CCSER1: variants seen among roughly 807,000 people sequenced by gnomAD.
The protein encoded by CCSER1 is coiled-coil serine rich protein 1.
In CCSER1, 41 loss-of-function variants were observed where a neutral mutation model predicts 82.0. The ratio of observed to expected loss-of-function variants is 0.50; its 90% CI spans 0.39 to 0.65. The LOEUF is 0.65. CCSER1 is among the 30% of genes least tolerant of loss of function. CCSER1 has a pLI of 0.00. For synonymous variants in CCSER1, 414 were observed against 383.9 expected (o/e 1.08, Z -0.92); for missense variants, 1,119 against 1,064.2 (o/e 1.05, Z -0.72).
intron 5 of CCSER1, among the ~76,000 whole-genome samples, chr4:90,477,645 T>C (rs907711722): frequency 2.0e-5 from 3 of 152,168 alleles, no homozygotes; most frequent in Non-Finnish European, 4.4e-5. Context: ...ATCTTTTTTT[T>C]CCTCTGGTAT....
At chr4:90,159,511 G>A (rs1466201107) in intron 1 of CCSER1, among the ~76,000 whole-genome samples, 4 of 152,284 alleles carry the variant, frequency 2.6e-5, no homozygotes, top group South Asian at 4.1e-4. Context: ...TTACTAGAGA[G>A]AGAACACACA....
At chr4:90,663,230 G>C (rs1229427917) in intron 6 of CCSER1, among the ~76,000 whole-genome samples, 1 of 152,112 alleles carries the variant, frequency 6.6e-6, no homozygotes, top group Non-Finnish European at 1.5e-5. Flanking sequence ...TCTATACCTT[G>C]TAAACATTTA....
At chr4:90,874,930 C>T (rs1767003475) in intron 8 of CCSER1, among the ~76,000 whole-genome samples, 1 of 152,108 alleles carries the variant, frequency 6.6e-6, no homozygotes, top group African/African-American at 2.4e-5. Flanking sequence ...CCTATAGTCC[C>T]AGCTACTCAG....
intron 10 of CCSER1, among the ~76,000 whole-genome samples, chr4:91,306,097 A>G (rs138996142): frequency 1.2e-4 from 14 of 118,218 alleles, no homozygotes; most frequent in East Asian, 2.7e-4. Flanking sequence ...GTGTGTGTGT[A>G]TACGAAAAAA....
intron 8 of CCSER1, among the ~76,000 whole-genome samples, chr4:90,897,395 T>A (rs1260373672): frequency 2.0e-5 from 3 of 152,058 alleles, no homozygotes; most frequent in Non-Finnish European, 4.4e-5. Context: ...TGGTGTTTGA[T>A]TTTCTGTTTC....
intron 8 of CCSER1, among the ~76,000 whole-genome samples, chr4:90,839,681 C>CAA (rs1312877461): frequency 2.6e-5 from 4 of 152,198 alleles, no homozygotes; most frequent in African/African-American, 7.2e-5. Flanking sequence ...GCTGAGCTTT[C>CAA]ATATTTCATC....
At chr4:91,360,606 C>A (rs1270967856) in intron 10 of CCSER1, among the ~76,000 whole-genome samples, 1 of 151,744 alleles carries the variant, frequency 6.6e-6, no homozygotes, top group Non-Finnish European at 1.5e-5. Context: ...GCCTTCCATC[C>A]TTTGTGTCCA....
At chr4:90,552,485 T>G (rs1006551690) in intron 5 of CCSER1, among the ~76,000 whole-genome samples, 4 of 152,164 alleles carry the variant, frequency 2.6e-5, no homozygotes, top group African/African-American at 7.2e-5. Flanking sequence ...AGATTTTATT[T>G]TTATCTTTTT....
At chr4:90,691,610 A>G (rs11930577) in intron 6 of CCSER1, among the ~76,000 whole-genome samples, 2,454 of 139,450 alleles carry the variant, frequency 0.018, 63 homozygotes, top group African/African-American at 0.056. Flanking sequence ...TGTATATATC[A>G]CATGTATATA....
chr4:90,884,198 T>C (rs766574962), intron 8 of CCSER1, among the ~76,000 whole-genome samples: 11 of 152,140 alleles, frequency 7.2e-5, no homozygotes, highest in African/African-American at 2.2e-4. Context: ...CAAGTGATAC[T>C]GAAATCATGC....
chr4:90,528,105 G>C (rs1774019748), intron 5 of CCSER1, among the ~76,000 whole-genome samples: 1 of 152,086 alleles, frequency 6.6e-6, no homozygotes, highest in African/African-American at 2.4e-5. Flanking sequence ...ATTTATCCTA[G>C]GTGGTAGAAC....
chr4:91,384,781 A>C (rs1352803350), intron 10 of CCSER1, among the ~76,000 whole-genome samples: 1 of 152,104 alleles, frequency 6.6e-6, no homozygotes, highest in Non-Finnish European at 1.5e-5. Flanking sequence ...AGGACAAATA[A>C]AAATTTAGAG....
At position 91,084,560 on chromosome 4, in the gene CCSER1, A is replaced by G. The variant is rs573628412; in HGVS notation, c.2173-1390A>G. 1.2e-4 allele frequency among the ~76,000 whole-genome samples: 19 copies of G among 152,266 alleles called. No homozygotes were observed. In the South Asian group the frequency reaches 3.9e-3, roughly 32 times the overall value. On this transcript the variant is annotated intron_variant, in intron 9 of 10. Coordinates refer to ENST00000509176, the MANE Select transcript of CCSER1 (RefSeq NM_001145065.2). ...CCATTATACTATCTCCCAGATGCAAAAATCTATAAGCATGAATACTACTTC... is the reference window on the plus strand; with the variant it reads ...CCATTATACTATCTCCCAGATGCAAGAATCTATAAGCATGAATACTACTTC...
At chr4:91,574,802 G>T (rs1440163214) in intron 10 of CCSER1, among the ~76,000 whole-genome samples, 1 of 151,976 alleles carries the variant, frequency 6.6e-6, no homozygotes, top group Non-Finnish European at 1.5e-5. Flanking sequence ...TCATTACGTG[G>T]ATTATGGGAT....
intron 5 of CCSER1, among the ~76,000 whole-genome samples, chr4:90,533,254 G>GCAACT (rs1774849925): frequency 6.6e-6 from 1 of 151,732 alleles, no homozygotes; most frequent in South Asian, 2.1e-4. Flanking sequence ...ACCACGCCTG[G>GCAACT]CAACTTTTTT....
At chr4:90,343,539 C>G (rs964881113) in intron 3 of CCSER1, among the ~76,000 whole-genome samples, 1 of 152,056 alleles carries the variant, frequency 6.6e-6, no homozygotes, top group Admixed American at 6.6e-5. Context: ...ATCACTTGAG[C>G]CTGGGAGACG....
intron 10 of CCSER1, among the ~76,000 whole-genome samples, chr4:91,211,244 G>A (rs1736796883): frequency 6.6e-6 from 1 of 151,998 alleles, no homozygotes; most frequent in African/African-American, 2.4e-5. Flanking sequence ...GCTTGAACTA[G>A]GGATATAACG....
In CCSER1 at chr4:90,303,575, T is replaced by G. The variant is rs1579065805; in HGVS notation, c.-41-4669T>G. On this transcript the variant is annotated intron_variant, in intron 1 of 10. Transcript: ENST00000509176. ...AAAGGATTCCCTATTTAATAAATGG[T>G]GCTGGGAAAACTGGCTAGCCACATG... 2.0e-5 allele frequency among the ~76,000 whole-genome samples: 3 copies of G among 151,962 alleles called. No individual in the cohort carries two copies. The East Asian group carries it at 5.8e-4, about 29-fold the overall frequency.
intron 1 of CCSER1, among the ~76,000 whole-genome samples, chr4:90,198,498 T>A (rs557848429): frequency 2.0e-5 from 3 of 152,310 alleles, no homozygotes; most frequent in Non-Finnish European, 4.4e-5. Flanking sequence ...AGATTTTTTT[T>A]AAACTTTCTG....
Sources: allele counts gnomAD v4.1 joint callset (sites outside exome capture counted in the v4.1 genomes callset), GRCh38; gene constraint gnomAD v4.1.1; transcripts MANE v1.5; gene names NCBI Gene and HGNC (gene_info 2026-07-23, HGNC 2026-07-21).